The following CRYBG3 variants were observed in gnomAD, a reference collection of about 807,000 sequenced individuals.
CRYBG3 encodes very large A-kinase anchor protein.
In CRYBG3, 127 loss-of-function variants were observed where a neutral mutation model predicts 244.2. The observed-to-expected ratio is 0.52, with a 90% confidence interval of 0.45 to 0.60. The LOEUF (loss-of-function observed/expected upper bound fraction) is 0.60. Ranked by LOEUF, CRYBG3 falls within the 20% of genes least tolerant of loss-of-function variation. CRYBG3 has a pLI of 0.00. For synonymous variants in CRYBG3, 1,132 were observed against 1,195.8 expected (o/e 0.95, Z 1.10); for missense variants, 3,325 against 3,442.5 (o/e 0.97, Z 0.85).
At chr3:97,913,342 A>G (rs2039894058) in intron 16 of CRYBG3, among the ~76,000 whole-genome samples, 1 of 152,056 alleles carries the variant, frequency 6.6e-6, no homozygotes, top group Admixed American at 6.6e-5. Context: ...TACCCACTAT[A>G]CCAGGGGTCA....
intron 8 of CRYBG3, 84 bp from the exon 9 acceptor site, chr3:97,888,253 GTTTT>G (rs2039532449): frequency 4.1e-6 from 3 of 734,284 alleles, no homozygotes; most frequent in African/African-American, 3.6e-5. Flanking sequence ...GGAGGATTTT[GTTTT>G]TTTATTTTGG....
At position 97,877,926 on chromosome 3, in the gene CRYBG3, C is replaced by T. The variant is rs1401163005; in HGVS notation, c.6732C>T (p.Ser2244=). The T allele has an allele frequency of 6.2e-7, 1 of 1,613,986 alleles. No homozygotes were observed. The highest frequency in any genetic ancestry group is 8.5e-7 in the Non-Finnish European group (1 of 1,179,956). ...KSAYHQYLQT[S]QSHSSEKGAR... ...CTTATCATCAGTATCTGCAGACTTC[C>T]CAAAGTCATTCCTCAGAAAAAGGAG... Residue 2244 remains serine (S), a synonymous_variant, in exon 4 of 22, where the codon TCC becomes TCT. Coordinates refer to ENST00000389622, the MANE Select transcript of CRYBG3 (RefSeq NM_153605.4).
chr3:97,858,757 T>C (rs753791317), intron 2 of CRYBG3, among the ~76,000 whole-genome samples: 29 of 152,310 alleles, frequency 1.9e-4, no homozygotes, highest in Non-Finnish European at 3.4e-4. Flanking sequence ...TTTTTTCGTA[T>C]CTTGCTGAAT....
intron 15 of CRYBG3, among the ~76,000 whole-genome samples, chr3:97,909,174 C>T (rs1339136070): frequency 2.0e-5 from 3 of 150,760 alleles, no homozygotes; most frequent in African/African-American, 7.3e-5. Flanking sequence ...TCTGGCTGCC[C>T]TTAACATTTT....
At chr3:97,912,332 T>A (rs1341785100) in intron 16 of CRYBG3, 56 bp downstream of exon 16, 11 of 880,944 alleles carry the variant, frequency 1.2e-5, no homozygotes, top group Non-Finnish European at 1.7e-6. Context: ...TACTTTTAAA[T>A]TTACAGAGAT....
intron 17 of CRYBG3, among the ~76,000 whole-genome samples, chr3:97,924,912 G>A (rs995736422): frequency 2.0e-5 from 3 of 152,044 alleles, no homozygotes; most frequent in Non-Finnish European, 4.4e-5. Context: ...AGGGAGAGGA[G>A]GCAGGCATTA....
At position 97,875,785 on chromosome 3, in the gene CRYBG3, GAAAT is replaced by G; in HGVS notation, c.4597_4600del (p.Asn1533Ter). 3.2e-6 allele frequency: 4 copies of G among 1,231,622 alleles called. No homozygotes were observed. The highest frequency in any genetic ancestry group is 4.0e-6 in the Non-Finnish European group (4 of 987,666). 76.3% of individuals were successfully genotyped at this position (1,231,622 alleles called of 1,614,324 possible). A position where few individuals can be genotyped will look rare whatever the true frequency, so the allele number is the denominator to read the frequency against. ...AGGGAAAGTACACAAGAAGGATAAT[GAAAT>G]AAATATAGGGAAAATTGAACTTATA... On this transcript the variant is annotated frameshift_variant, in exon 4 of 22. Coordinates refer to ENST00000389622, the MANE Select transcript of CRYBG3 (RefSeq NM_153605.4). LOFTEE classifies it high-confidence loss of function.
chr3:97,907,913 T>C (rs1315932034), intron 15 of CRYBG3, among the ~76,000 whole-genome samples: 1 of 151,816 alleles, frequency 6.6e-6, no homozygotes, highest in African/African-American at 2.4e-5. Flanking sequence ...TACACACTGC[T>C]TTGAATGCGT....
At chr3:97,900,560 T>C in intron 15 of CRYBG3, 75 bp downstream of exon 15, 1 of 943,686 alleles carries the variant, frequency 1.1e-6, no homozygotes, top group South Asian at 1.5e-5. Context: ...CAAATCTTTC[T>C]CTTTTCTGCA....
intron 1 of CRYBG3, among the ~76,000 whole-genome samples, chr3:97,830,736 AT>A (rs2038643940): frequency 6.6e-6 from 1 of 152,088 alleles, no homozygotes; most frequent in Non-Finnish European, 1.5e-5. Context: ...TTCTTTGTGA[AT>A]TTTGAAATCT....
At position 97,822,077 on chromosome 3, in the gene CRYBG3, C is replaced by CCGCGCTGGCAGCT. The variant is rs1372568855; in HGVS notation, c.-125_-113dup. On this transcript the variant is annotated 5_prime_UTR_variant, in exon 1 of 22. Transcript: ENST00000389622. ...CTTCTCCTGCCCGAGAGAGACTGAG[C>CCGCGCTGGCAGCT]CGCGCTGGCAGCTCGCGTCGAGTCG... 2.8e-6 allele frequency: 2 copies of CCGCGCTGGCAGCT among 721,590 alleles called. No individual in the cohort carries two copies. Among genetic ancestry groups the CCGCGCTGGCAGCT allele is most frequent in the Admixed American group, 8.5e-5 (2 of 23,562 alleles). 44.7% of individuals were successfully genotyped at this position (721,590 alleles called of 1,614,324 possible).
At chr3:97,918,209 A>C (rs1394597475) in intron 17 of CRYBG3, among the ~76,000 whole-genome samples, 2 of 152,194 alleles carry the variant, frequency 1.3e-5, no homozygotes, top group African/African-American at 2.4e-5. Flanking sequence ...CTTAAGTGTC[A>C]CAATGGTATA....
intron 7 of CRYBG3, among the ~76,000 whole-genome samples, chr3:97,881,554 A>G (rs1204078296): frequency 6.6e-6 from 1 of 151,714 alleles, no homozygotes; most frequent in Admixed American, 6.6e-5. Context: ...TGTCTCTACT[A>G]AAAATACAAA....
intron 2 of CRYBG3, among the ~76,000 whole-genome samples, chr3:97,858,285 C>A (rs931093980): frequency 6.6e-6 from 1 of 151,332 alleles, no homozygotes; most frequent in Admixed American, 6.6e-5. Flanking sequence ...TGAGACTTGA[C>A]ATTTTTCTCT....
rs1055080829 is a variant in CRYBG3 at position 97,871,968 on chromosome 3, T to C, written c.774T>C (p.Asn258=). 17 of 1,535,566 alleles carry C rather than the reference T, an allele frequency of 1.1e-5. No homozygotes were observed. The East Asian group carries it at 2.0e-4, about 18-fold the overall frequency. ...LATVNTLDRE[N]ESSDSSTNRH... is the part of the protein sequence containing the mutation. ...CTGTGAATACCTTGGACAGAGAAAA[T>C]GAAAGTTCTGACTCTAGTACAAACA... is the stretch of plus-strand genomic sequence containing the variant. Residue 258 remains asparagine (N), a synonymous_variant, in exon 4 of 22, where the codon AAT becomes AAC. Transcript: ENST00000389622.
chr3:97,883,366 A>G (rs533162224), intron 7 of CRYBG3, among the ~76,000 whole-genome samples: 58 of 152,212 alleles, frequency 3.8e-4, no homozygotes, highest in Middle Eastern at 3.4e-3. Flanking sequence ...TCGTAACTGA[A>G]CTCTTCTAAG....
chr3:97,827,765 A>G (rs184735971), intron 1 of CRYBG3, among the ~76,000 whole-genome samples: 4 of 140,020 alleles, frequency 2.9e-5, no homozygotes, highest in African/African-American at 7.5e-5. Context: ...TAAGGCTTCA[A>G]GAGGTTCAGT....
At chr3:97,902,078 C>T (rs1435835186) in intron 15 of CRYBG3, among the ~76,000 whole-genome samples, 2 of 152,124 alleles carry the variant, frequency 1.3e-5, no homozygotes, top group Admixed American at 6.6e-5. Flanking sequence ...TTGGCTGACA[C>T]GCTGGTTCCG....
intron 3 of CRYBG3, among the ~76,000 whole-genome samples, chr3:97,866,245 T>G (rs1190057086): frequency 6.6e-6 from 1 of 152,174 alleles, no homozygotes; most frequent in African/African-American, 2.4e-5. Context: ...TTGGTAGCAT[T>G]TTTTAGAAAT....
Sources: gnomAD v4.1 joint callset for allele counts (sites outside exome capture counted in the v4.1 genomes callset) on GRCh38, gnomAD v4.1.1 for gene constraint, MANE v1.5 for transcripts, NCBI Gene and HGNC (gene_info 2026-07-23, HGNC 2026-07-21) for gene names.